Variants in ST6GALNAC2 observed in about 807,000 individuals in gnomAD.
ST6GALNAC2 encodes ST6 N-acetylgalactosaminide alpha-2,6-sialyltransferase 2, also known as alpha-N-acetylgalactosaminide alpha-2,6-sialyltransferase 2.
A neutral mutation model predicts 38.7 loss-of-function variants in ST6GALNAC2; 42 were observed. That is an observed-to-expected ratio of 1.09 (90% CI 0.85 to 1.40). The LOEUF (loss-of-function observed/expected upper bound fraction) is 1.40. Ranked by LOEUF, ST6GALNAC2 falls within the 40% of genes most tolerant of loss-of-function variation. ST6GALNAC2 has a pLI of 0.00. For synonymous variants in ST6GALNAC2, 233 were observed against 209.0 expected (o/e 1.11, Z -0.99); for missense variants, 506 against 481.7 (o/e 1.05, Z -0.47).
At chr17:76,576,081 C>CA in intron 2 of ST6GALNAC2, among the ~76,000 whole-genome samples, 1 of 149,892 alleles carries the variant, frequency 6.7e-6, no homozygotes. Flanking sequence ...CCCATGTCTG[C>CA]AAAAAAATGT....
At position 76,566,344 on chromosome 17, in the gene ST6GALNAC2, T is replaced by G. The variant is rs112647814; in HGVS notation, c.958-73A>C. On this transcript the variant is annotated intron_variant, in intron 8 of 8. Transcript: ENST00000225276. ...GTACAGACACTTGGGTGAAGTGACA[T>G]GAGTTTAGAAAGGTGTCCGTCTGCT... 2,003 of 1,533,478 alleles carry G rather than the reference T, an allele frequency of 1.3e-3. 19 individuals are homozygous for G. In the African/African-American group the frequency reaches 0.02, roughly 15 times the overall value. The allele number at this position is 1,533,478 out of a possible 1,614,324, so 95.0% of individuals were successfully genotyped here.
At chr17:76,572,445 C>A (rs147849413) in intron 5 of ST6GALNAC2, among the ~76,000 whole-genome samples, 192 bp downstream of exon 5, 1 of 152,188 alleles carries the variant, frequency 6.6e-6, no homozygotes, top group African/African-American at 2.4e-5. Context: ...AGTCCCGTGA[C>A]GCCTGAATCA....
chr17:76,574,509 C>T lies in ST6GALNAC2; in HGVS notation c.217G>A (p.Ala73Thr), dbSNP rs748640738. ...CGGAAGTGGGGGTGCCGCTGAATGG[C>T]CAGGTGAAGCAGGTGTCGGCAGGCC... Reference protein sequence around the residue: ...GQACRHLLHLAIQRHPHFRGL... With the variant: ...GQACRHLLHLTIQRHPHFRGL... Residue 73 changes from alanine to threonine, a missense_variant, in exon 3 of 9, where the codon GCC (alanine) becomes ACC (threonine). Coordinates refer to ENST00000225276, the MANE Select transcript of ST6GALNAC2 (RefSeq NM_006456.3). The T allele has an allele frequency of 1.2e-6, 2 of 1,613,306 alleles. No individual in the cohort carries two copies. The highest frequency in any genetic ancestry group is 2.2e-5 in the South Asian group (2 of 91,012).
Position 76,574,466 on chromosome 17 carries a change from G to A in ST6GALNAC2, c.260C>T (p.Ser87Phe), listed in dbSNP as rs748160205. 1.2e-6 allele frequency: 2 copies of A among 1,613,952 alleles called. No individual in the cohort carries two copies. Among genetic ancestry groups the A allele is most frequent in the South Asian group, 2.2e-5 (2 of 91,076 alleles). Reference sequence around the variant, plus strand: ...GTCCCCCCACAGCAGCACTGGAATGGAGAGATTGAACAGGCCACGGAAGTG... The same window carrying A: ...GTCCCCCCACAGCAGCACTGGAATGAAGAGATTGAACAGGCCACGGAAGTG... Reference protein sequence around the residue: ...HPHFRGLFNLSIPVLLWGDLF... With the variant: ...HPHFRGLFNLFIPVLLWGDLF... Residue 87 changes from serine to phenylalanine, a missense_variant, in exon 3 of 9, where the codon TCC becomes TTC. Coordinates refer to ENST00000225276, the MANE Select transcript of ST6GALNAC2 (RefSeq NM_006456.3).
At chr17:76,572,545 AG>A (rs1469272681) in intron 5 of ST6GALNAC2, 91 bp downstream of exon 5, 2 of 1,459,850 alleles carry the variant, frequency 1.4e-6, no homozygotes, top group Non-Finnish European at 1.9e-6. Flanking sequence ...CCACTGGACC[AG>A]GGTGTGTGAG....
chr17:76,577,308 T>C (rs1050170970), intron 2 of ST6GALNAC2, among the ~76,000 whole-genome samples: 3 of 151,758 alleles, frequency 2.0e-5, no homozygotes, highest in African/African-American at 7.3e-5. Flanking sequence ...TCTCAGGTGA[T>C]CCACCCACCT....
chr17:76,576,151 G>C (rs560834818), intron 2 of ST6GALNAC2, among the ~76,000 whole-genome samples: 2 of 152,192 alleles, frequency 1.3e-5, no homozygotes, highest in African/African-American at 4.8e-5. Flanking sequence ...GGGAAGCTGA[G>C]GTGGGAGGAT....
At chr17:76,569,878 A>T (rs1220676582) in intron 6 of ST6GALNAC2, 3 of 294,198 alleles carry the variant, frequency 1.0e-5, no homozygotes, top group African/African-American at 6.4e-5. Context: ...CCGAGATAGG[A>T]GGGCTGGTTG....
rs977631242 is a variant in ST6GALNAC2 at position 76,573,038 on chromosome 17, C to A, written c.530+157G>T. Among the ~76,000 whole-genome samples the A allele has an allele frequency of 2.6e-5, 4 of 152,186 alleles. No individual in the cohort carries two copies. The highest frequency in any genetic ancestry group is 2.9e-5 in the Non-Finnish European group (2 of 68,026). On this transcript the variant is annotated intron_variant, in intron 4 of 8. Coordinates refer to ENST00000225276, the MANE Select transcript of ST6GALNAC2 (RefSeq NM_006456.3). This position sits in a 1 kb window ranked among gnomAD's most constrained non-coding sequence, Gnocchi z 5.1. ...GGGCACCCATGCTCCGTCCTCAGGGCCTACTGTTTGTTTTTGCCTTGTCCA... is the reference window on the plus strand; with the variant it reads ...GGGCACCCATGCTCCGTCCTCAGGGACTACTGTTTGTTTTTGCCTTGTCCA...
intron 7 of ST6GALNAC2, chr17:76,568,303 C>T (rs1276515235): frequency 4.4e-6 from 1 of 226,954 alleles, no homozygotes; most frequent in Non-Finnish European, 8.8e-6. Flanking sequence ...ATTGAGAACC[C>T]CTGGCAGGAG....
intron 2 of ST6GALNAC2, among the ~76,000 whole-genome samples, chr17:76,575,193 A>C (rs59344925): frequency 6.6e-6 from 1 of 152,200 alleles, no homozygotes; most frequent in African/African-American, 2.4e-5. Context: ...GCCTGGGCTG[A>C]GCTGAGGCTG....
chr17:76,571,362 G>A (rs533843540), intron 5 of ST6GALNAC2: 2 of 152,406 alleles, frequency 1.3e-5, no homozygotes, highest in African/African-American at 4.8e-5. Context: ...GGGTGGCCGA[G>A]GCAGACGGAT....
intron 2 of ST6GALNAC2, 57 bp downstream of exon 2, chr17:76,578,699 T>C: frequency 6.6e-7 from 1 of 1,519,236 alleles, no homozygotes; most frequent in South Asian, 1.2e-5. Flanking sequence ...TCTTCTTCCC[T>C]CCTCCCCACT....
At chr17:76,567,783 G>A in intron 7 of ST6GALNAC2, 1 of 464,494 alleles carries the variant, frequency 2.2e-6, no homozygotes, top group East Asian at 3.9e-5. Flanking sequence ...GCAACAGCTT[G>A]TTTTCACCCC....
Position 76,573,434 on chromosome 17 carries a change from G to A in ST6GALNAC2, c.362-71C>T. On this transcript the variant is annotated intron_variant, in intron 3 of 8. Coordinates refer to ENST00000225276, the MANE Select transcript of ST6GALNAC2 (RefSeq NM_006456.3). This position sits in a 1 kb window ranked among gnomAD's most constrained non-coding sequence, Gnocchi z 5.1. ...GGGCACCTGGGGCCTTCCCTAGGCTGGTTCTGGTGCCCCATCTCCCCTGAG... is the reference window on the plus strand; with the variant it reads ...GGGCACCTGGGGCCTTCCCTAGGCTAGTTCTGGTGCCCCATCTCCCCTGAG... The A allele has an allele frequency of 7.1e-7, 1 of 1,401,652 alleles. No individual in the cohort carries two copies. The highest frequency in any genetic ancestry group is 9.4e-7 in the Non-Finnish European group (1 of 1,067,168). 86.8% of individuals were successfully genotyped at this position (1,401,652 alleles called of 1,614,324 possible).
intron 1 of ST6GALNAC2, among the ~76,000 whole-genome samples, chr17:76,579,788 A>G (rs185216291): frequency 6.6e-6 from 1 of 152,262 alleles, no homozygotes; most frequent in Non-Finnish European, 1.5e-5. Flanking sequence ...TCTGCCTTCC[A>G]TCTATGAGGA....
intron 2 of ST6GALNAC2, among the ~76,000 whole-genome samples, chr17:76,578,334 T>C (rs1317604829): frequency 6.6e-6 from 1 of 152,182 alleles, no homozygotes; most frequent in Non-Finnish European, 1.5e-5. Context: ...CTTACGGTTA[T>C]AAGGCAGGGC....
At chr17:76,579,876 C>G (rs1361256770) in intron 1 of ST6GALNAC2, among the ~76,000 whole-genome samples, 1 of 152,142 alleles carries the variant, frequency 6.6e-6, no homozygotes, top group Non-Finnish European at 1.5e-5. Flanking sequence ...AGAGGTAACT[C>G]TCTGTTTTTT....
chr17:76,584,274 C>T (rs2075517292), intron 1 of ST6GALNAC2, among the ~76,000 whole-genome samples: 1 of 150,472 alleles, frequency 6.6e-6, no homozygotes, highest in Admixed American at 6.6e-5. Context: ...CTCACTGCAG[C>T]CTCGACCTCC....
Sources: gnomAD v4.1 joint callset for allele counts (sites outside exome capture counted in the v4.1 genomes callset) on GRCh38, gnomAD v4.1.1 for gene constraint, Gnocchi (gnomAD v3.1) non-coding constraint, MANE v1.5 for transcripts, NCBI Gene and HGNC (gene_info 2026-07-23, HGNC 2026-07-21) for gene names.